Variants in PALD1 observed in about 807,000 individuals in gnomAD.
The protein encoded by PALD1 is paladin.
Under a neutral mutation model 96.0 loss-of-function variants are expected in PALD1, and 57 were observed. The ratio of observed to expected loss-of-function variants is 0.59; its 90% CI spans 0.48 to 0.74. The LOEUF is 0.74. PALD1 is among the 30% of genes least tolerant of loss of function. The probability of loss-of-function intolerance (pLI) is 0.00; values close to 1 mark genes in which losing one functional copy is unlikely to be tolerated. For synonymous variants in PALD1, 464 were observed against 473.6 expected, an observed-to-expected ratio of 0.98 and a Z score of 0.26; for missense variants, 1,063 against 1,143.7, an observed-to-expected ratio of 0.93 and a Z score of 1.02.
At chr10:70,462,026 T>A in the PALD1 span, among the ~76,000 whole-genome samples, 1 of 152,132 alleles carries the variant, frequency 6.6e-6, no homozygotes, top group Non-Finnish European at 1.5e-5. Context: ...CTCCTGACCT[T>A]GAGCGATCCG....
At chr10:70,525,840 T>A in intron 1 of PALD1, 83 bp from the exon 2 acceptor site, 5 of 1,069,488 alleles carry the variant, frequency 4.7e-6, no homozygotes, top group Non-Finnish European at 4.2e-6. Context: ...TTTCTCTGTA[T>A]GGTGGAGGGC....
At chr10:70,458,847 G>C in the PALD1 span, among the ~76,000 whole-genome samples, 1 of 152,210 alleles carries the variant, frequency 6.6e-6, no homozygotes, top group South Asian at 2.1e-4. Flanking sequence ...GGAAGGGTGG[G>C]ATGTGCCTGC....
intron 1 of PALD1, among the ~76,000 whole-genome samples, chr10:70,492,406 A>G (rs556961984): frequency 6.7e-6 from 1 of 149,580 alleles, no homozygotes; most frequent in East Asian, 2.0e-4. Context: ...TCGTTAAGTC[A>G]GGGGCTATCT....
chr10:70,518,028 C>T lies in PALD1; in HGVS notation c.-29-7895C>T, dbSNP rs558015535. Among the ~76,000 whole-genome samples the T allele has an allele frequency of 1.2e-4, 18 of 152,182 alleles. No homozygotes were observed. In the South Asian group the frequency reaches 3.1e-3, roughly 26 times the overall value. On this transcript the variant is annotated intron_variant, in intron 1 of 19. Coordinates refer to ENST00000263563, the MANE Select transcript of PALD1 (RefSeq NM_014431.3). ...AAGCAATTCTCCTGCCTCAGCTTCC[C>T]GAGTAACTGGGATTACAGGCATGCG...
At chr10:70,459,848 C>T in the PALD1 span, among the ~76,000 whole-genome samples, 890 of 152,300 alleles carry the variant, frequency 5.8e-3, 5 homozygotes, top group Middle Eastern at 0.044. Context: ...CGCCACTCTG[C>T]CCTGTGCCCT....
intron 17 of PALD1, 92 bp downstream of exon 17, chr10:70,541,626 C>A: frequency 2.3e-6 from 2 of 881,376 alleles, no homozygotes; most frequent in Non-Finnish European, 3.7e-6. Flanking sequence ...CAAAGCACGT[C>A]CCAATGCAGT....
rs553914215 is a variant in PALD1, at chr10:70,483,518, G to A, written c.-30+4459G>A. Among the ~76,000 whole-genome samples, 11 of 152,266 alleles carry A rather than the reference G, an allele frequency of 7.2e-5. No homozygotes were observed. In the South Asian group the frequency reaches 2.3e-3, roughly 32 times the overall value. The stretch of plus-strand genomic sequence containing the variant: ...GGAGAGAGGATGTGGTGCTGTGAGG[G>A]CTGTGGGTACCCTGGGAAACGGCCA... On this transcript the variant is annotated intron_variant, in intron 1 of 19. Coordinates refer to ENST00000263563, the MANE Select transcript of PALD1 (RefSeq NM_014431.3).
intron 1 of PALD1, among the ~76,000 whole-genome samples, chr10:70,499,805 G>A (rs963022856): frequency 1.3e-5 from 2 of 152,196 alleles, no homozygotes; most frequent in Admixed American, 1.3e-4. Flanking sequence ...AGGGCCAGAC[G>A]GCCTGAGTTT....
At chr10:70,494,071 G>T (rs1054857964) in intron 1 of PALD1, among the ~76,000 whole-genome samples, 1 of 152,154 alleles carries the variant, frequency 6.6e-6, no homozygotes, top group African/African-American at 2.4e-5. Flanking sequence ...GCTAGCTCAT[G>T]GCTCTTTCAA....
chr10:70,509,551 G>A (rs1293112027), intron 1 of PALD1, among the ~76,000 whole-genome samples: 1 of 152,196 alleles, frequency 6.6e-6, no homozygotes, highest in African/African-American at 2.4e-5. Flanking sequence ...CCAGGCCACC[G>A]GGGTCAGGGC....
At chr10:70,467,309 G>C in the PALD1 span, among the ~76,000 whole-genome samples, 1 of 151,952 alleles carries the variant, frequency 6.6e-6, no homozygotes, top group Non-Finnish European at 1.5e-5. Flanking sequence ...TGTTTAGCTG[G>C]AGAAGCCTGG....
the PALD1 span, among the ~76,000 whole-genome samples, chr10:70,468,564 A>G: frequency 6.6e-6 from 1 of 151,940 alleles, no homozygotes; most frequent in African/African-American, 2.4e-5. Flanking sequence ...GTTTTTAAGG[A>G]AACTTTCTTT....
At chr10:70,557,674 T>A (rs980322445) in intron 18 of PALD1, among the ~76,000 whole-genome samples, 5 of 152,152 alleles carry the variant, frequency 3.3e-5, no homozygotes, top group African/African-American at 1.2e-4. Flanking sequence ...ACGCAGCGGC[T>A]GGTGCTGCAC....
At chr10:70,562,729 G>A (rs772386508) in intron 18 of PALD1, among the ~76,000 whole-genome samples, 3 of 152,080 alleles carry the variant, frequency 2.0e-5, no homozygotes, top group Non-Finnish European at 4.4e-5. Flanking sequence ...TGTGGCCTTC[G>A]CTTTCCAAAC....
chr10:70,509,839 A>G (rs1190029556), intron 1 of PALD1, among the ~76,000 whole-genome samples: 1 of 152,194 alleles, frequency 6.6e-6, no homozygotes, highest in East Asian at 1.9e-4. Context: ...GCGTGCAGCC[A>G]GTACACCAGC....
At chr10:70,566,436 C>T (rs111726724) in intron 19 of PALD1, 145 bp from the exon 20 acceptor site, 58 of 650,074 alleles carry the variant, frequency 8.9e-5, no homozygotes, top group African/African-American at 7.3e-4. Context: ...AGGAAACTGA[C>T]GCTCAGAGAA....
At chr10:70,474,849 G>C (rs1456555344), upstream of PALD1, among the ~76,000 whole-genome samples, 1 of 152,196 alleles carries the variant, frequency 6.6e-6, no homozygotes, top group Non-Finnish European at 1.5e-5. Context: ...TCAGGTCCCA[G>C]GGCCTGGCAG....
intron 1 of PALD1, among the ~76,000 whole-genome samples, chr10:70,521,157 G>T (rs1367577505): frequency 1.3e-5 from 2 of 152,162 alleles, no homozygotes; most frequent in Admixed American, 6.5e-5. Flanking sequence ...CTGTGTATTG[G>T]AAGCTGTGTA....
chr10:70,555,966 A>C (rs1847601002), intron 18 of PALD1, among the ~76,000 whole-genome samples: 1 of 152,160 alleles, frequency 6.6e-6, no homozygotes, highest in Non-Finnish European at 1.5e-5. Context: ...GCACCACTGC[A>C]CTCCAGCCTG....
Sources: allele counts gnomAD v4.1 joint callset (sites outside exome capture counted in the v4.1 genomes callset), GRCh38; gene constraint gnomAD v4.1.1; transcripts MANE v1.5; gene names NCBI Gene and HGNC (gene_info 2026-07-23, HGNC 2026-07-21).